SPTLC3: variants seen among roughly 807,000 people sequenced by gnomAD.
SPTLC3 encodes serine palmitoyltransferase long chain base subunit 3, also known as serine palmitoyltransferase 3.
In SPTLC3, 36 loss-of-function variants were observed where a neutral mutation model predicts 59.3. That is an observed-to-expected ratio of 0.61 (90% CI 0.47 to 0.80). SPTLC3 has a LOEUF of 0.80. SPTLC3 is among the 30% of genes least tolerant of loss of function. SPTLC3 has a pLI of 0.00. For missense variants in SPTLC3, 625 were observed against 685.1 expected (o/e 0.91, Z 0.98); for synonymous variants, 257 against 240.8 (o/e 1.07, Z -0.62).
intron 11 of SPTLC3, among the ~76,000 whole-genome samples, chr20:13,160,739 T>C (rs2038879691): frequency 6.6e-6 from 1 of 152,200 alleles, no homozygotes. Flanking sequence ...GTCAACTATG[T>C]GCAAACTTGG....
Position 13,086,653 on chromosome 20 carries a change from A to T in SPTLC3, c.608-4430A>T, listed in dbSNP as rs6131438. 3.9e-5 allele frequency among the ~76,000 whole-genome samples: 6 copies of T among 152,124 alleles called. No homozygotes were observed. The East Asian group carries it at 1.2e-3, about 29-fold the overall frequency. ...TAGAAATTGGTCTTGCATCTAGGAG[A>T]TACAAATCACTTTGCTAACCATGTG... On this transcript the variant is annotated intron_variant, in intron 4 of 11. Transcript: ENST00000399002.
intron 1 of SPTLC3, among the ~76,000 whole-genome samples, chr20:13,018,890 T>C (rs3848764): frequency 0.57 from 85,959 of 152,102 alleles, 26,956 homozygotes; most frequent in South Asian, 0.72. Context: ...GAAAGATCTA[T>C]TGCCACCATA....
At chr20:13,117,405 C>T (rs1223514286) in intron 7 of SPTLC3, 101 bp from the exon 8 acceptor site, 9 of 1,116,232 alleles carry the variant, frequency 8.1e-6, no homozygotes, top group South Asian at 4.0e-5. Flanking sequence ...AAAGGAATGG[C>T]GTGTGTCAGG....
At chr20:13,029,268 T>A (rs1311516709) in intron 1 of SPTLC3, among the ~76,000 whole-genome samples, 1 of 152,204 alleles carries the variant, frequency 6.6e-6, no homozygotes, top group Non-Finnish European at 1.5e-5. Flanking sequence ...GTGCTCCACA[T>A]GGTGACCTGC....
intron 1 of SPTLC3, among the ~76,000 whole-genome samples, chr20:13,034,134 G>GA (rs1986625863): frequency 6.6e-6 from 1 of 152,026 alleles, no homozygotes; most frequent in Non-Finnish European, 1.5e-5. Flanking sequence ...GCTCTATACT[G>GA]AAAACCAACA....
At chr20:13,034,180 G>A (rs1986628691) in intron 1 of SPTLC3, among the ~76,000 whole-genome samples, 1 of 142,644 alleles carries the variant, frequency 7.0e-6, no homozygotes, top group Non-Finnish European at 1.5e-5. Flanking sequence ...ATAGGTAGAT[G>A]TCATGAAAGA....
chr20:13,124,653 C>T (rs1410020016), intron 8 of SPTLC3, among the ~76,000 whole-genome samples: 1 of 152,102 alleles, frequency 6.6e-6, no homozygotes, highest in African/African-American at 2.4e-5. Flanking sequence ...CCTCATGGAC[C>T]AGGCAGAGTC....
chr20:13,024,982 T>G (rs1986072283), intron 1 of SPTLC3, among the ~76,000 whole-genome samples: 1 of 152,218 alleles, frequency 6.6e-6, no homozygotes, highest in African/African-American at 2.4e-5. Flanking sequence ...ATGTCTGCTA[T>G]TGCAAATTTC....
intron 4 of SPTLC3, among the ~76,000 whole-genome samples, chr20:13,080,267 TG>T (rs1023557766): frequency 1.4e-4 from 21 of 152,126 alleles, no homozygotes; most frequent in Middle Eastern, 3.4e-3. Flanking sequence ...CCAGACACTT[TG>T]GGAGGCCTAG....
chr20:13,009,655 G>T (rs538082674), intron 1 of SPTLC3, among the ~76,000 whole-genome samples: 2 of 152,284 alleles, frequency 1.3e-5, no homozygotes, highest in East Asian at 3.9e-4. Context: ...CTAGACTTTT[G>T]TCTCAAGCAT....
chr20:13,009,904 C>T (rs1985145050), intron 1 of SPTLC3, among the ~76,000 whole-genome samples: 1 of 152,124 alleles, frequency 6.6e-6, no homozygotes, highest in Non-Finnish European at 1.5e-5. Flanking sequence ...GATTTGAGGC[C>T]ACAGTATTTC....
chr20:13,099,428 T>G (rs1029606547), intron 6 of SPTLC3, among the ~76,000 whole-genome samples: 6 of 152,230 alleles, frequency 3.9e-5, no homozygotes, highest in Non-Finnish European at 5.9e-5. Flanking sequence ...TAAGTTTGTG[T>G]TGTCTTAAAG....
chr20:13,093,779 T>C (rs547307667), intron 6 of SPTLC3, among the ~76,000 whole-genome samples: 3 of 152,194 alleles, frequency 2.0e-5, no homozygotes, highest in Non-Finnish European at 4.4e-5. Context: ...AATTGTTAAG[T>C]GTAACCCAAA....
intron 9 of SPTLC3, among the ~76,000 whole-genome samples, chr20:13,147,070 G>C (rs987828256): frequency 6.6e-6 from 1 of 152,152 alleles, no homozygotes; most frequent in African/African-American, 2.4e-5. Flanking sequence ...GTGGAGGCAG[G>C]GTGTTTTCCC....
At chr20:13,079,129 A>C (rs1316871719) in intron 4 of SPTLC3, among the ~76,000 whole-genome samples, 2 of 152,198 alleles carry the variant, frequency 1.3e-5, no homozygotes, top group Non-Finnish European at 2.9e-5. Context: ...GAAGACATTT[A>C]TAAAAAAAGA....
chr20:13,060,299 T>C lies in SPTLC3; in HGVS notation c.303+11169T>C, dbSNP rs1297171605. Among the ~76,000 whole-genome samples the C allele has an allele frequency of 3.3e-5, 5 of 152,238 alleles. No homozygotes were observed. The East Asian group carries it at 9.6e-4, about 29-fold the overall frequency. On this transcript the variant is annotated intron_variant, in intron 2 of 11. Coordinates refer to ENST00000399002, the MANE Select transcript of SPTLC3 (RefSeq NM_018327.4). ...ATCTAAGTTTGGGTGCAAGAGTACA[T>C]CTGATTATAGTTTACAGAAGCATAA...
At chr20:13,149,426 G>T (rs574957729) in intron 9 of SPTLC3, among the ~76,000 whole-genome samples, 1 of 152,334 alleles carries the variant, frequency 6.6e-6, no homozygotes, top group East Asian at 1.9e-4. Context: ...TTTGCATCCT[G>T]TTTAGATGAG....
At chr20:13,151,085 A>G (rs1360148585) in intron 9 of SPTLC3, among the ~76,000 whole-genome samples, 4 of 152,050 alleles carry the variant, frequency 2.6e-5, no homozygotes, top group Non-Finnish European at 5.9e-5. Context: ...TACTGTTCCT[A>G]TTGTTACTGA....
At chr20:13,034,847 T>C (rs1986664744) in intron 1 of SPTLC3, among the ~76,000 whole-genome samples, 1 of 152,158 alleles carries the variant, frequency 6.6e-6, no homozygotes, top group Admixed American at 6.6e-5. Context: ...GAAAGAGTTG[T>C]CTAGCACCTG....
Sources: gnomAD v4.1 joint callset for allele counts (sites outside exome capture counted in the v4.1 genomes callset) on GRCh38, gnomAD v4.1.1 for gene constraint, MANE v1.5 for transcripts, NCBI Gene and HGNC (gene_info 2026-07-23, HGNC 2026-07-21) for gene names.